FIGN: variants seen among roughly 807,000 people sequenced by gnomAD.
FIGN encodes the protein fidgetin, microtubule severing factor.
FIGN carries 11 observed loss-of-function variants against 51.3 expected under a neutral mutation model. That is an observed-to-expected ratio of 0.21 (90% CI 0.13 to 0.35). The LOEUF is 0.35. Among genes scored for constraint, FIGN ranks in the 10% least tolerant of loss-of-function variants. The pLI, the probability that FIGN is intolerant of heterozygous loss-of-function variation, is 1.00. For synonymous variants in FIGN, 407 were observed against 363.2 expected (o/e 1.12, Z -1.37); for missense variants, 857 against 943.6 (o/e 0.91, Z 1.20).
chr2:163,645,395 A>G (rs945994204), intron 2 of FIGN, among the ~76,000 whole-genome samples: 11 of 152,176 alleles, frequency 7.2e-5, no homozygotes, highest in African/African-American at 2.7e-4. Flanking sequence ...TTTGAACCCT[A>G]AGTATTAGAA....
intron 2 of FIGN, 27 bp downstream of exon 2, chr2:163,734,876 A>C (rs767201029): frequency 1.0e-5 from 16 of 1,597,260 alleles, no homozygotes; most frequent in Non-Finnish European, 1.4e-5. Context: ...TTAGATGCAA[A>C]GGAAGTAAAT....
At chr2:163,704,666 A>T (rs371664473) in intron 2 of FIGN, among the ~76,000 whole-genome samples, 439 of 56,916 alleles carry the variant, frequency 7.7e-3, no homozygotes, top group East Asian at 0.013. Flanking sequence ...TCACACACAC[A>T]CACACACACA....
chr2:163,686,801 T>C (rs1343036303), intron 2 of FIGN, among the ~76,000 whole-genome samples: 11 of 148,738 alleles, frequency 7.4e-5, no homozygotes, highest in East Asian at 4.0e-4. Flanking sequence ...CACACATATA[T>C]ATATATTCTT....
intron 2 of FIGN, among the ~76,000 whole-genome samples, chr2:163,713,395 G>A (rs1684618432): frequency 6.6e-6 from 1 of 151,938 alleles, no homozygotes; most frequent in Non-Finnish European, 1.5e-5. Context: ...ATAAACAGCA[G>A]TATAAAGGAT....
chr2:163,643,657 A>G (rs1280810702), intron 2 of FIGN, among the ~76,000 whole-genome samples: 7 of 151,466 alleles, frequency 4.6e-5, no homozygotes, highest in Non-Finnish European at 8.8e-5. Context: ...TCTCAAAAAA[A>G]AAAAAAAAAA....
At chr2:163,656,868 G>A (rs765429962) in intron 2 of FIGN, among the ~76,000 whole-genome samples, 110 of 152,168 alleles carry the variant, frequency 7.2e-4, no homozygotes, top group Non-Finnish European at 1.3e-3. Flanking sequence ...TCTACCTTTA[G>A]AGCCCAGGAA....
At chr2:163,720,793 C>T (rs1684744134) in intron 2 of FIGN, among the ~76,000 whole-genome samples, 1 of 152,192 alleles carries the variant, frequency 6.6e-6, no homozygotes, top group Non-Finnish European at 1.5e-5. Context: ...CACACACACA[C>T]ACACGTGTGC....
intron 2 of FIGN, among the ~76,000 whole-genome samples, chr2:163,720,286 C>T (rs1684736339): frequency 6.6e-6 from 1 of 152,118 alleles, no homozygotes; most frequent in South Asian, 2.1e-4. Flanking sequence ...GTGAAAGATG[C>T]TACATTTCTT....
At position 163,645,075 on chromosome 2, in the gene FIGN, T is replaced by C. The variant is rs191849546; in HGVS notation, c.26-33269A>G. ...AACTGTACACTTTAAATAAGTAAAT[T>C]GTATGGTATGTGAAATATATTTCAA... On this transcript the variant is annotated intron_variant, in intron 2 of 2. Transcript: ENST00000333129. Among the ~76,000 whole-genome samples, 3 of 152,310 alleles carry C rather than the reference T, an allele frequency of 2.0e-5. No homozygotes were observed. In the East Asian group the frequency reaches 5.8e-4, roughly 29 times the overall value.
In FIGN at chr2:163,606,755, A is replaced by T. The variant is rs1574219895; in HGVS notation, c.*2797T>A. On this transcript the variant is annotated 3_prime_UTR_variant, in exon 3 of 3. Coordinates refer to ENST00000333129, the MANE Select transcript of FIGN (RefSeq NM_018086.4). The stretch of plus-strand genomic sequence containing the variant: ...AGGTCAGCCATATCTCCTCCAACAG[A>T]TCTTCATTTCTTCAACATGCCCAAT... The T allele has an allele frequency of 6.6e-6, 1 of 152,310 alleles. No homozygotes were observed. The highest frequency in any genetic ancestry group is 1.9e-4 in the East Asian group (1 of 5,180). 9.4% of individuals were successfully genotyped at this position (152,310 alleles called of 1,614,324 possible).
At chr2:163,733,930 CAT>C (rs1427287388) in intron 2 of FIGN, among the ~76,000 whole-genome samples, 1 of 72,394 alleles carries the variant, frequency 1.4e-5, no homozygotes, top group Non-Finnish European at 2.6e-5. Context: ...ATGGGGTAAA[CAT>C]AGCAACAACC....
chr2:163,649,271 A>AT (rs1683432651), intron 2 of FIGN, among the ~76,000 whole-genome samples: 1 of 152,114 alleles, frequency 6.6e-6, no homozygotes, highest in Non-Finnish European at 1.5e-5. Flanking sequence ...CTCCTCAGAT[A>AT]TTTTTTAGTC....
chr2:163,610,268 T>C lies in FIGN; in HGVS notation c.1564A>G (p.Ile522Val). ...FSGLTALPRS[I>V]LLFGPRGTGK... The stretch of plus-strand genomic sequence containing the variant: ...GTCCCCCGAGGTCCAAATAAAAGGA[T>C]GCTCCGAGGTAAGGCCGTCAGTCCA... The change falls in exon 3 of 3, where the codon ATC becomes GTC. Residue 522 changes from isoleucine to valine, a missense_variant. This residue lies in a region of FIGN where 799 missense variants were observed against 849.5 expected (regional missense o/e 0.94). Transcript: ENST00000333129. 2 of 1,614,082 alleles carry C rather than the reference T, an allele frequency of 1.2e-6. 1 individual carries two copies. Among genetic ancestry groups the C allele is most frequent in the South Asian group, 2.2e-5 (2 of 91,076 alleles).
At chr2:163,708,000 T>A (rs1010210138) in intron 2 of FIGN, among the ~76,000 whole-genome samples, 2 of 152,190 alleles carry the variant, frequency 1.3e-5, no homozygotes, top group African/African-American at 2.4e-5. Flanking sequence ...TATGTTACAA[T>A]AGCACAAATT....
intron 2 of FIGN, chr2:163,612,406 A>G (rs1260795767): frequency 2.0e-6 from 2 of 985,238 alleles, no homozygotes; most frequent in Admixed American, 1.2e-4. Flanking sequence ...CAGACATAGC[A>G]GGTCATTCCA....
chr2:163,704,625 T>TTCTCTCTCTCTCTCTCTCTCTCTCTC (rs751888499), intron 2 of FIGN, among the ~76,000 whole-genome samples: 2 of 36,406 alleles, frequency 5.5e-5, no homozygotes, highest in African/African-American at 7.4e-5. Flanking sequence ...GTCTCTCTCT[T>TTCTCTCTCTCTCTCTCTCTCTCTCTC]TCTCTCTCTC....
In FIGN at chr2:163,609,959, C is replaced by A. The variant is rs763361411; in HGVS notation, c.1873G>T (p.Val625Leu). 1 of 1,613,944 alleles carries A rather than the reference C, an allele frequency of 6.2e-7. No homozygotes were observed. Among genetic ancestry groups the A allele is most frequent in the East Asian group, 2.2e-5 (1 of 44,880 alleles). ...GGTTTACTGGTGGCACAAATTACTA[C>A]GATTTGGTCCTCAGCCGAAGTTAGT... ...TVLTSAEDQIVVICATSKPEE... is the reference protein window; with the variant it reads ...TVLTSAEDQILVICATSKPEE... The change falls in exon 3 of 3, where the codon GTA (valine) becomes TTA (leucine). Residue 625 changes from valine to leucine, a missense_variant. Val to Leu is a conservative substitution (Grantham distance 32, BLOSUM62 1). Transcript: ENST00000333129.
At chr2:163,665,814 A>C (rs982620995) in intron 2 of FIGN, among the ~76,000 whole-genome samples, 3 of 152,114 alleles carry the variant, frequency 2.0e-5, no homozygotes, top group African/African-American at 7.2e-5. Context: ...ATGATCCTGG[A>C]TTCTTTTTCC....
chr2:163,730,876 CTCT>C (rs1684917293), intron 2 of FIGN, among the ~76,000 whole-genome samples: 1 of 152,076 alleles, frequency 6.6e-6, no homozygotes, highest in African/African-American at 2.4e-5. Flanking sequence ...AATTTATTTG[CTCT>C]TCAACAATGA....
Sources: allele counts gnomAD v4.1 joint callset (sites outside exome capture counted in the v4.1 genomes callset), GRCh38; gene constraint gnomAD v4.1.1; regional missense constraint gnomAD v4.1.1; transcripts MANE v1.5; gene names NCBI Gene and HGNC (gene_info 2026-07-23, HGNC 2026-07-21).